TFDP2: variants seen among roughly 807,000 people sequenced by gnomAD.
TFDP2 encodes the protein transcription factor Dp-2 (E2F dimerization partner 2).
A neutral mutation model predicts 59.3 loss-of-function variants in TFDP2; 17 were observed. The ratio of observed to expected loss-of-function variants is 0.29; its 90% CI spans 0.20 to 0.43. TFDP2 has a LOEUF of 0.43. Ranked by LOEUF, TFDP2 falls within the 20% of genes least tolerant of loss-of-function variation. The pLI, the probability that TFDP2 is intolerant of heterozygous loss-of-function variation, is 1.00. For missense variants in TFDP2, 391 were observed against 528.8 expected, an observed-to-expected ratio of 0.74 and a Z score of 2.56; for synonymous variants, 180 against 194.7, an observed-to-expected ratio of 0.92 and a Z score of 0.63.
chr3:142,057,409 CT>C (rs2059781955), intron 3 of TFDP2, among the ~76,000 whole-genome samples: 1 of 152,178 alleles, frequency 6.6e-6, no homozygotes. Context: ...TGGATTAGCT[CT>C]GGTTCTTAGC....
chr3:142,088,376 G>A (rs559443648), intron 3 of TFDP2, among the ~76,000 whole-genome samples: 10 of 151,236 alleles, frequency 6.6e-5, no homozygotes, highest in African/African-American at 1.7e-4. Flanking sequence ...TATCCCCCAG[G>A]CTGGAGTGCG....
intron 1 of TFDP2, among the ~76,000 whole-genome samples, chr3:142,108,700 T>C (rs529985864): frequency 2.0e-5 from 3 of 152,316 alleles, no homozygotes; most frequent in African/African-American, 7.2e-5. Flanking sequence ...CTGGTGACAG[T>C]AATGACATTT....
intron 3 of TFDP2, among the ~76,000 whole-genome samples, chr3:142,049,968 T>C (rs1560087373): frequency 1.3e-5 from 2 of 152,172 alleles, no homozygotes; most frequent in East Asian, 3.9e-4. Context: ...AAAAACATGT[T>C]TATAAATCAG....
intron 1 of TFDP2, among the ~76,000 whole-genome samples, chr3:142,102,148 G>A (rs979568592): frequency 1.1e-4 from 16 of 152,154 alleles, no homozygotes; most frequent in Non-Finnish European, 1.8e-4. Flanking sequence ...TGGAGAAATG[G>A]CTGATTCTAG....
intron 4 of TFDP2, among the ~76,000 whole-genome samples, chr3:141,999,736 C>G (rs1387937997): frequency 6.6e-6 from 1 of 150,938 alleles, no homozygotes; most frequent in East Asian, 1.9e-4. Flanking sequence ...TGCAAGAATT[C>G]CTTTTTTTTT....
rs563409378 is a variant in TFDP2, at chr3:141,963,898, C to T, written c.798G>A (p.Pro266=). Residue 266 remains proline (P), a synonymous_variant, in exon 10 of 13, where the codon CCG becomes CCA. Transcript: ENST00000489671. ...GCAGCTGAATGGTAGAGTTCAGAGCCGGCGGGCCCTGGTTTTGCTGCTCAT... is the reference window on the plus strand; with the variant it reads ...GCAGCTGAATGGTAGAGTTCAGAGCTGGCGGGCCCTGGTTTTGCTGCTCAT... ...RQNEQQNQGP[P]ALNSTIQLPF... is the part of the protein sequence containing the mutation. The T allele has an allele frequency of 2.7e-5, 43 of 1,613,572 alleles. No homozygotes were observed. Among genetic ancestry groups the T allele is most frequent in the East Asian group, 1.3e-4 (6 of 44,830 alleles).
chr3:142,055,843 CATG>C (rs917855452), intron 3 of TFDP2, among the ~76,000 whole-genome samples: 5 of 148,206 alleles, frequency 3.4e-5, no homozygotes, highest in African/African-American at 1.2e-4. Context: ...TACTGAGATT[CATG>C]ATGACAATCA....
intron 1 of TFDP2, among the ~76,000 whole-genome samples, chr3:142,124,011 C>G (rs1166793630): frequency 6.6e-6 from 1 of 151,440 alleles, no homozygotes; most frequent in African/African-American, 2.4e-5. Context: ...TATGTAAAGA[C>G]ATAATGGAAA....
At chr3:141,956,050 T>C (rs1006610421) in intron 11 of TFDP2, among the ~76,000 whole-genome samples, 5 of 152,192 alleles carry the variant, frequency 3.3e-5, no homozygotes, top group Non-Finnish European at 7.3e-5. Context: ...TCAAGTGATA[T>C]GCCTGCCTCA....
At chr3:141,997,930 A>G (rs921878025) in intron 4 of TFDP2, among the ~76,000 whole-genome samples, 5 of 151,548 alleles carry the variant, frequency 3.3e-5, no homozygotes, top group South Asian at 4.2e-4. Flanking sequence ...AAAACTGGCT[A>G]TCTTTATGAA....
intron 3 of TFDP2, among the ~76,000 whole-genome samples, chr3:142,068,080 A>C (rs1320869502): frequency 6.6e-6 from 1 of 151,978 alleles, no homozygotes; most frequent in East Asian, 1.9e-4. Context: ...AAGAACGGCA[A>C]AATAGATCAA....
At chr3:142,043,056 A>AT (rs1390669506) in intron 3 of TFDP2, among the ~76,000 whole-genome samples, 2 of 97,776 alleles carry the variant, frequency 2.0e-5, no homozygotes, top group African/African-American at 4.0e-5. Flanking sequence ...TTATTTTATT[A>AT]TTTTTTTTGA....
chr3:142,117,132 G>A (rs558243435), intron 1 of TFDP2, among the ~76,000 whole-genome samples: 102 of 152,214 alleles, frequency 6.7e-4, no homozygotes, highest in African/African-American at 2.4e-3. Context: ...TGTTAGCCAA[G>A]CTGGTCTCGA....
intron 1 of TFDP2, among the ~76,000 whole-genome samples, chr3:142,103,296 T>C (rs1352482555): frequency 6.6e-6 from 1 of 151,566 alleles, no homozygotes; most frequent in East Asian, 1.9e-4. Context: ...GAAAACTGAA[T>C]TCAACCTGTG....
intron 3 of TFDP2, among the ~76,000 whole-genome samples, chr3:142,022,035 CT>C (rs1945657653): frequency 6.6e-6 from 1 of 152,134 alleles, no homozygotes; most frequent in Non-Finnish European, 1.5e-5. Context: ...TCTCATTTTT[CT>C]TCCACCTGCT....
intron 1 of TFDP2, among the ~76,000 whole-genome samples, chr3:142,134,304 G>A (rs868662024): frequency 2.7e-5 from 4 of 150,476 alleles, no homozygotes; most frequent in East Asian, 1.9e-4. Context: ...GGCCGAGACC[G>A]TGCCACTGCA....
Position 141,952,423 on chromosome 3 carries a change from C to A in TFDP2, c.*90G>T. ...ACTGAACACACAGTGCAAACAAAGG[C>A]AAAGACTGAAGCAATCATTTCAAAA... On this transcript the variant is annotated 3_prime_UTR_variant, in exon 13 of 13. Coordinates refer to ENST00000489671, the MANE Select transcript of TFDP2 (RefSeq NM_001178139.2). 1 of 1,310,924 alleles carries A rather than the reference C, an allele frequency of 7.6e-7. No individual in the cohort carries two copies. The highest frequency in any genetic ancestry group is 1.0e-6 in the Non-Finnish European group (1 of 979,412). 81.2% of individuals were successfully genotyped at this position (1,310,924 alleles called of 1,614,324 possible). A position where few individuals can be genotyped will look rare whatever the true frequency, so the allele number is the denominator to read the frequency against.
At chr3:141,978,027 TAAAAAAAAAC>T (rs899714648) in intron 7 of TFDP2, among the ~76,000 whole-genome samples, 40 of 141,412 alleles carry the variant, frequency 2.8e-4, no homozygotes, top group Middle Eastern at 3.5e-3. Context: ...TTTTAAATGT[TAAAAAAAAAC>T]AAAAAAAAAC....
At chr3:141,990,349 A>G (rs1942624740) in intron 6 of TFDP2, among the ~76,000 whole-genome samples, 1 of 151,800 alleles carries the variant, frequency 6.6e-6, no homozygotes, top group Non-Finnish European at 1.5e-5. Context: ...ATCTTGGCTC[A>G]CTGCAGCCTC....
Sources: gnomAD v4.1 joint callset for allele counts (sites outside exome capture counted in the v4.1 genomes callset) on GRCh38, gnomAD v4.1.1 for gene constraint, MANE v1.5 for transcripts, NCBI Gene and HGNC (gene_info 2026-07-23, HGNC 2026-07-21) for gene names.